Variants in PSD3 observed in about 807,000 individuals in gnomAD.
The protein encoded by PSD3 is PH and SEC7 domain-containing protein 3.
Under a neutral mutation model 105.5 loss-of-function variants are expected in PSD3, and 49 were observed. The observed-to-expected ratio is 0.46, with a 90% confidence interval of 0.37 to 0.59. PSD3 has a LOEUF of 0.59. PSD3 is among the 20% of genes least tolerant of loss of function. PSD3 has a pLI of 0.00. For synonymous variants in PSD3, 557 were observed against 457.8 expected, an observed-to-expected ratio of 1.22 and a Z score of -2.77; for missense variants, 1,561 against 1,263.8, an observed-to-expected ratio of 1.24 and a Z score of -3.57.
chr8:18,586,205 C>T (rs1235267087), intron 12 of PSD3, among the ~76,000 whole-genome samples: 9 of 152,152 alleles, frequency 5.9e-5, no homozygotes, highest in African/African-American at 1.9e-4. Flanking sequence ...ACCTTTGCAA[C>T]AAGCCACTTT....
intron 10 of PSD3, among the ~76,000 whole-genome samples, chr8:18,650,520 C>T (rs1379806146): frequency 6.6e-6 from 1 of 152,336 alleles, no homozygotes; most frequent in African/African-American, 2.4e-5. Context: ...AGACCTTCCA[C>T]AAGTCAATTT....
chr8:18,591,375 G>C (rs187488093), intron 12 of PSD3, among the ~76,000 whole-genome samples: 9 of 152,268 alleles, frequency 5.9e-5, no homozygotes, highest in South Asian at 2.1e-4. Flanking sequence ...GGATACCTGG[G>C]CACTGCTAAG....
chr8:18,777,395 T>C lies in PSD3; in HGVS notation c.2083-11857A>G, dbSNP rs527802165. On this transcript the variant is annotated intron_variant, in intron 8 of 15. Transcript: ENST00000327040. ...TTTTCATTTCTGTTGACCTTTTAAA[T>C]TGTTTCTTAAAATCTGAACTTCACT... Among the ~76,000 whole-genome samples the C allele has an allele frequency of 3.9e-5, 6 of 152,302 alleles. No individual in the cohort carries two copies. The South Asian group carries it at 1.2e-3, about 32-fold the overall frequency.
chr8:18,536,546 T>C (rs1799856118), intron 15 of PSD3, among the ~76,000 whole-genome samples: 1 of 152,172 alleles, frequency 6.6e-6, no homozygotes, highest in African/African-American at 2.4e-5. Flanking sequence ...TCTGCAAGGA[T>C]TACCCACTTC....
intron 6 of PSD3, chr8:18,802,263 C>T: frequency 3.9e-6 from 1 of 255,386 alleles, no homozygotes; most frequent in South Asian, 4.0e-5. Flanking sequence ...GTATCAAAAA[C>T]CACACATTAA....
chr8:18,702,216 A>C (rs567680336), intron 9 of PSD3, among the ~76,000 whole-genome samples: 1 of 152,294 alleles, frequency 6.6e-6, no homozygotes, highest in Non-Finnish European at 1.5e-5. Context: ...ATCATCTTGA[A>C]ATATATTGGA....
intron 12 of PSD3, among the ~76,000 whole-genome samples, chr8:18,576,179 G>A (rs570077448): frequency 6.6e-5 from 10 of 152,098 alleles, no homozygotes; most frequent in African/African-American, 2.4e-4. Flanking sequence ...CAAAAACCAA[G>A]CAGTTCAAAT....
At chr8:18,856,659 C>T (rs1816033666) in intron 4 of PSD3, among the ~76,000 whole-genome samples, 1 of 152,108 alleles carries the variant, frequency 6.6e-6, no homozygotes, top group African/African-American at 2.4e-5. Context: ...TGAGGTGGGG[C>T]TTCTAAATAG....
intron 9 of PSD3, among the ~76,000 whole-genome samples, chr8:18,656,602 C>G (rs1808914510): frequency 6.6e-6 from 1 of 151,984 alleles, no homozygotes; most frequent in Non-Finnish European, 1.5e-5. Flanking sequence ...TTCTTTAGAC[C>G]CTTGGTAACA....
chr8:18,936,677 G>C (rs1310648557), intron 1 of PSD3, among the ~76,000 whole-genome samples: 5 of 151,242 alleles, frequency 3.3e-5, no homozygotes, highest in African/African-American at 4.9e-5. Flanking sequence ...AGAATCACTT[G>C]AACCAGGGAG....
At chr8:18,725,043 A>C (rs988596322) in intron 9 of PSD3, among the ~76,000 whole-genome samples, 2 of 152,196 alleles carry the variant, frequency 1.3e-5, no homozygotes, top group African/African-American at 4.8e-5. Context: ...GAGCAAATCT[A>C]ATTTCCTTGT....
chr8:18,759,092 A>ACACACACACACACACTCTCT (rs756248977), intron 9 of PSD3, among the ~76,000 whole-genome samples: 9 of 143,862 alleles, frequency 6.3e-5, no homozygotes, highest in Non-Finnish European at 4.6e-5. Context: ...ACACACACAC[A>ACACACACACACACACTCTCT]CTCTCTCTCT....
At chr8:18,747,000 C>A (rs1192668713) in intron 9 of PSD3, among the ~76,000 whole-genome samples, 2 of 152,256 alleles carry the variant, frequency 1.3e-5, no homozygotes, top group Admixed American at 6.5e-5. Context: ...TGCTCTCTCT[C>A]TCTACCTGTG....
At chr8:18,537,437 C>A (rs1184953086) in intron 15 of PSD3, among the ~76,000 whole-genome samples, 2 of 152,184 alleles carry the variant, frequency 1.3e-5, no homozygotes, top group African/African-American at 2.4e-5. Context: ...CTGACAGACA[C>A]TGTTGTTTGG....
At chr8:18,723,254 C>CGAT in intron 9 of PSD3, among the ~76,000 whole-genome samples, 1 of 152,096 alleles carries the variant, frequency 6.6e-6, no homozygotes, top group Non-Finnish European at 1.5e-5. Context: ...CCAGGTGTAA[C>CGAT]GATCAATATT....
chr8:19,077,156 T>C (rs915209648), intron 1 of PSD3, among the ~76,000 whole-genome samples: 1 of 152,144 alleles, frequency 6.6e-6, no homozygotes, highest in African/African-American at 2.4e-5. Flanking sequence ...AGATAAATGG[T>C]TTAATATTTT....
chr8:18,585,123 T>C (rs970752732), intron 12 of PSD3, among the ~76,000 whole-genome samples: 8 of 152,292 alleles, frequency 5.3e-5, no homozygotes, highest in South Asian at 2.1e-4. Context: ...GGAGGATTTA[T>C]GGAGGCATTT....
chr8:18,652,314 G>A (rs779441122), intron 10 of PSD3, among the ~76,000 whole-genome samples: 6 of 152,110 alleles, frequency 3.9e-5, no homozygotes, highest in Non-Finnish European at 8.8e-5. Flanking sequence ...AATTGCAATT[G>A]CTGAGGAGGA....
At chr8:18,953,003 CTAATATA>C (rs1295700561) in intron 1 of PSD3, among the ~76,000 whole-genome samples, 3 of 152,114 alleles carry the variant, frequency 2.0e-5, no homozygotes, top group African/African-American at 7.2e-5. Context: ...ATTTAAATAT[CTAATATA>C]TAACAAACTC....
Sources: gnomAD v4.1 joint callset for allele counts (sites outside exome capture counted in the v4.1 genomes callset) on GRCh38, gnomAD v4.1.1 for gene constraint, MANE v1.5 for transcripts, NCBI Gene and HGNC (gene_info 2026-07-23, HGNC 2026-07-21) for gene names.